Variants in AP3B1 observed in about 807,000 individuals in gnomAD.
The protein encoded by AP3B1 is AP-3 complex subunit beta-1.
AP3B1 carries 61 observed loss-of-function variants against 132.5 expected under a neutral mutation model. The observed-to-expected ratio is 0.46, with a 90% CI of 0.37 to 0.57. The LOEUF (loss-of-function observed/expected upper bound fraction) is 0.57, where lower values mean the gene tolerates loss of function less well. Among genes scored for constraint, AP3B1 ranks in the 20% least tolerant of loss-of-function variants. The probability of loss-of-function intolerance (pLI) is 0.00; values close to 1 mark genes in which losing one functional copy is unlikely to be tolerated. For missense variants in AP3B1, 1,120 were observed against 1,289.4 expected (o/e 0.87, Z 2.01); for synonymous variants, 388 against 438.3 (o/e 0.89, Z 1.43).
intron 7 of AP3B1, among the ~76,000 whole-genome samples, chr5:78,195,769 G>C (rs1745056922): frequency 6.6e-6 from 1 of 152,064 alleles, no homozygotes; most frequent in Non-Finnish European, 1.5e-5. Flanking sequence ...GCACTGAGCT[G>C]AGATCATGCC....
At chr5:78,180,525 G>A (rs1744321249) in intron 8 of AP3B1, among the ~76,000 whole-genome samples, 1 of 151,956 alleles carries the variant, frequency 6.6e-6, no homozygotes, top group East Asian at 1.9e-4. Context: ...AGGACATTCT[G>A]CAAGACTTGA....
intron 2 of AP3B1, among the ~76,000 whole-genome samples, chr5:78,250,745 T>C (rs930280002): frequency 2.0e-5 from 3 of 152,136 alleles, no homozygotes; most frequent in Non-Finnish European, 4.4e-5. Flanking sequence ...TAACTCATAT[T>C]CTTAGTGAGA....
intron 22 of AP3B1, among the ~76,000 whole-genome samples, chr5:78,071,075 T>C (rs1749519547): frequency 6.6e-6 from 1 of 152,170 alleles, no homozygotes; most frequent in African/African-American, 2.4e-5. Context: ...CCCAAAGGAA[T>C]ACAAATAATT....
chr5:78,014,136 C>A (rs1333190147), intron 26 of AP3B1, among the ~76,000 whole-genome samples: 1 of 151,876 alleles, frequency 6.6e-6, no homozygotes, highest in Non-Finnish European at 1.5e-5. Flanking sequence ...GCGCTCCAGC[C>A]TGGGTGACAG....
rs1184626505 is a variant in AP3B1 at position 78,097,573 on chromosome 5, C to T, written c.2470+3380G>A. On this transcript the variant is annotated intron_variant, in intron 21 of 26. Coordinates refer to ENST00000255194, the MANE Select transcript of AP3B1 (RefSeq NM_003664.5). ...GGAGGGAGGTAGGGGGTCAGCCCCC[C>T]GCCCGGCCAGCCGCCCCGTCCGGGA... 1.6e-4 allele frequency among the ~76,000 whole-genome samples: 21 copies of T among 129,476 alleles called. 3 individuals are homozygous for T. Among genetic ancestry groups the T allele is most frequent in the South Asian group, 1.0e-3 (4 of 4,020 alleles). 84.9% of individuals were successfully genotyped at this position (129,476 alleles called of 152,430 possible).
At chr5:78,123,181 T>A (rs1752303811) in intron 17 of AP3B1, among the ~76,000 whole-genome samples, 1 of 152,226 alleles carries the variant, frequency 6.6e-6, no homozygotes, top group African/African-American at 2.4e-5. Flanking sequence ...CCTTACACCT[T>A]ATACAAAAAT....
At chr5:78,060,597 C>T (rs889527491) in intron 22 of AP3B1, among the ~76,000 whole-genome samples, 5 of 152,032 alleles carry the variant, frequency 3.3e-5, no homozygotes, top group African/African-American at 7.2e-5. Context: ...CACTGCAGCC[C>T]GACTCATACG....
At chr5:78,195,715 G>C (rs145103060) in intron 7 of AP3B1, among the ~76,000 whole-genome samples, 2,279 of 152,198 alleles carry the variant, frequency 0.015, 58 homozygotes, top group African/African-American at 0.052. Flanking sequence ...AGCTACTCAG[G>C]AGGCTGAGGC....
intron 11 of AP3B1, among the ~76,000 whole-genome samples, chr5:78,170,175 C>G (rs12197946): frequency 0.29 from 43,527 of 152,038 alleles, 6,619 homozygotes; most frequent in Admixed American, 0.39. Flanking sequence ...ATCTGGGTTG[C>G]TTCCAAGTCT....
intron 1 of AP3B1, among the ~76,000 whole-genome samples, chr5:78,285,278 C>G (rs962217932): frequency 2.0e-5 from 3 of 151,212 alleles, no homozygotes; most frequent in Non-Finnish European, 4.4e-5. Context: ...AACCACAATT[C>G]TTCTTCTTCC....
chr5:78,089,951 T>G (rs2112203073), intron 21 of AP3B1, among the ~76,000 whole-genome samples: 1 of 152,350 alleles, frequency 6.6e-6, no homozygotes, highest in Non-Finnish European at 1.5e-5. Context: ...CCTAATTCCC[T>G]TGTAATTATA....
intron 1 of AP3B1, among the ~76,000 whole-genome samples, chr5:78,289,654 C>T (rs1272202030): frequency 6.6e-6 from 1 of 152,146 alleles, no homozygotes. Context: ...CTGAACATTT[C>T]CTTCTTTTAA....
At chr5:78,130,580 A>C (rs2112303806) in intron 15 of AP3B1, among the ~76,000 whole-genome samples, 1 of 152,206 alleles carries the variant, frequency 6.6e-6, no homozygotes, top group East Asian at 1.9e-4. Context: ...TAATTGCTAG[A>C]CCATGCTGGT....
chr5:78,060,905 C>T (rs1288869807), intron 22 of AP3B1, among the ~76,000 whole-genome samples: 2 of 152,104 alleles, frequency 1.3e-5, no homozygotes, highest in Admixed American at 6.5e-5. Flanking sequence ...CACGATTCTA[C>T]CCAAATTTTT....
At chr5:78,286,638 C>T (rs902027962) in intron 1 of AP3B1, among the ~76,000 whole-genome samples, 1 of 152,162 alleles carries the variant, frequency 6.6e-6, no homozygotes, top group Non-Finnish European at 1.5e-5. Flanking sequence ...TTTGTTATAG[C>T]AGCATAAAAC....
chr5:78,269,348 T>C lies in AP3B1; in HGVS notation c.129-1753A>G, dbSNP rs192101734. ...ATCTTGTGGTGTTAAATGGTATAAC[T>C]TTTCCTTTCATGTTCAAAATAGGCC... On this transcript the variant is annotated intron_variant, in intron 1 of 26. Coordinates refer to ENST00000255194, the MANE Select transcript of AP3B1 (RefSeq NM_003664.5). Among the ~76,000 whole-genome samples the C allele has an allele frequency of 3.1e-3, 469 of 152,284 alleles. 2 individuals carry two copies. Among genetic ancestry groups the C allele is most frequent in the African/African-American group, 0.011 (448 of 41,570 alleles).
intron 25 of AP3B1, 38 bp downstream of exon 25, chr5:78,020,654 G>A (rs1186832490): frequency 7.0e-7 from 1 of 1,432,848 alleles, no homozygotes; most frequent in Non-Finnish European, 9.8e-7. Context: ...CATATTATTT[G>A]GTATGTAAAT....
chr5:78,011,634 G>A (rs937806086), intron 26 of AP3B1, among the ~76,000 whole-genome samples: 17 of 152,116 alleles, frequency 1.1e-4, no homozygotes, highest in Non-Finnish European at 1.6e-4. Flanking sequence ...GCCATTTTCT[G>A]TTGCTGTGTT....
At chr5:78,281,199 C>T in intron 1 of AP3B1, among the ~76,000 whole-genome samples, 1 of 152,088 alleles carries the variant, frequency 6.6e-6, no homozygotes, top group Admixed American at 6.5e-5. Flanking sequence ...CTTTGGGAGG[C>T]CAAGGCAGGT....
Sources: allele counts gnomAD v4.1 joint callset (sites outside exome capture counted in the v4.1 genomes callset), GRCh38; gene constraint gnomAD v4.1.1; transcripts MANE v1.5; gene names NCBI Gene and HGNC (gene_info 2026-07-23, HGNC 2026-07-21).